PKHD1: variants seen among roughly 807,000 people sequenced by gnomAD.
The protein encoded by PKHD1 is fibrocystin.
In PKHD1, 291 loss-of-function variants were observed where a neutral mutation model predicts 412.0. That is an observed-to-expected ratio of 0.71 (90% CI 0.64 to 0.78). PKHD1 has a LOEUF of 0.78. PKHD1 is among the 30% of genes least tolerant of loss of function. The pLI is 0.00. For synonymous variants in PKHD1, 1,777 were observed against 1,821.5 expected (o/e 0.98, Z 0.62); for missense variants, 4,825 against 4,950.7 (o/e 0.97, Z 0.76).
At chr6:51,678,225 T>C (rs1449871495) in intron 60 of PKHD1, among the ~76,000 whole-genome samples, 4 of 152,162 alleles carry the variant, frequency 2.6e-5, no homozygotes, top group Admixed American at 6.6e-5. Flanking sequence ...ACAAGTTACT[T>C]ATCCTCCCTC....
chr6:52,075,025 T>C (rs73435740), intron 6 of PKHD1, among the ~76,000 whole-genome samples: 5 of 152,252 alleles, frequency 3.3e-5, no homozygotes, highest in Admixed American at 2.6e-4. Context: ...TCCCTCACCC[T>C]AACAAGACTT....
intron 50 of PKHD1, among the ~76,000 whole-genome samples, chr6:51,843,790 C>CA (rs1478207120): frequency 1.3e-5 from 2 of 152,232 alleles, no homozygotes; most frequent in African/African-American, 2.4e-5. Flanking sequence ...TGGTCTGTTT[C>CA]ATAAGTAGCT....
At position 51,627,079 on chromosome 6, in the gene PKHD1, A is replaced by T. The variant is rs538091484; in HGVS notation, c.11703T>A (p.Asn3901Lys). The change falls in exon 66 of 67, where the codon AAT (asparagine) becomes AAA (lysine). Residue 3901 changes from asparagine to lysine, a missense_variant. By Grantham distance (94) the Asn-to-Lys change is moderately conservative. Transcript: ENST00000371117. Reference sequence around the variant, plus strand: ...AGATGTGGATATGAATATTTTGATTATTAGTCTGGGATTCAGGAATCTCTT... The same window carrying T: ...AGATGTGGATATGAATATTTTGATTTTTAGTCTGGGATTCAGGAATCTCTT... ...KPEEIPESQTNNQNIHIHISS... is the reference protein window; with the variant it reads ...KPEEIPESQTKNQNIHIHISS... 21 of 1,610,460 alleles carry T rather than the reference A, an allele frequency of 1.3e-5. No homozygotes were observed. The highest frequency in any genetic ancestry group is 1.6e-5 in the Non-Finnish European group (19 of 1,176,796).
At chr6:51,953,087 A>G (rs1260124228) in intron 36 of PKHD1, among the ~76,000 whole-genome samples, 1 of 152,112 alleles carries the variant, frequency 6.6e-6, no homozygotes, top group African/African-American at 2.4e-5. Context: ...CCAAACTGCA[A>G]TGAATCAACC....
At chr6:51,898,566 A>C (rs1326208340) in intron 43 of PKHD1, among the ~76,000 whole-genome samples, 1 of 144,312 alleles carries the variant, frequency 6.9e-6, no homozygotes, top group African/African-American at 2.6e-5. Context: ...AAAGCAGGAA[A>C]GATCCAAAAT....
At chr6:51,642,438 G>A (rs754898776) in intron 63 of PKHD1, among the ~76,000 whole-genome samples, 4 of 152,182 alleles carry the variant, frequency 2.6e-5, no homozygotes. Flanking sequence ...AGTATGGAGT[G>A]TGAATAAGGC....
chr6:51,979,762 C>T (rs1006515250), intron 35 of PKHD1, among the ~76,000 whole-genome samples: 1 of 152,200 alleles, frequency 6.6e-6, no homozygotes, highest in East Asian at 1.9e-4. Context: ...CCCCATAATT[C>T]TGCTGGATCA....
intron 65 of PKHD1, among the ~76,000 whole-genome samples, chr6:51,632,216 T>G (rs1001809297): frequency 3.9e-5 from 6 of 152,120 alleles, no homozygotes; most frequent in African/African-American, 1.4e-4. Flanking sequence ...AGTGCTGGTT[T>G]CCCCTGATTC....
chr6:51,880,623 G>A (rs1777098855), intron 46 of PKHD1, among the ~76,000 whole-genome samples: 1 of 23,244 alleles, frequency 4.3e-5, no homozygotes, highest in African/African-American at 2.3e-4. Context: ...TGGTGGGGTC[G>A]GGGGAGGGGG....
chr6:51,804,364 G>T lies in PKHD1; in HGVS notation c.8303-12991C>A, dbSNP rs1177405350. Reference sequence around the variant, plus strand: ...GTAGAGAAATACTAATTCATTGGGGGGGGGGGGGGCGGTAACAGGAGAAAT... The same window carrying T: ...GTAGAGAAATACTAATTCATTGGGGTGGGGGGGGGCGGTAACAGGAGAAAT... On this transcript the variant is annotated intron_variant, in intron 52 of 66. Coordinates refer to ENST00000371117, the MANE Select transcript of PKHD1 (RefSeq NM_138694.4). 5.8e-5 allele frequency among the ~76,000 whole-genome samples: 6 copies of T among 103,244 alleles called. 1 individual carries two copies. Among genetic ancestry groups the T allele is most frequent in the African/African-American group, 1.1e-4 (3 of 28,154 alleles). The allele number at this position is 103,244 out of a possible 152,430, so 67.7% of individuals were successfully genotyped here. A position where few individuals can be genotyped will look rare whatever the true frequency, so the allele number is the denominator to read the frequency against.
intron 36 of PKHD1, among the ~76,000 whole-genome samples, chr6:51,936,277 TCTTACA>T (rs542469047): frequency 4.1e-4 from 62 of 152,320 alleles, no homozygotes; most frequent in African/African-American, 1.4e-3. Context: ...AGGATGTTGT[TCTTACA>T]CTTAATTTAT....
intron 63 of PKHD1, among the ~76,000 whole-genome samples, chr6:51,642,415 A>G (rs779565132): frequency 6.6e-6 from 1 of 152,210 alleles, no homozygotes; most frequent in Non-Finnish European, 1.5e-5. Flanking sequence ...AGTAAGGTAC[A>G]GACTATGGGT....
At chr6:51,979,125 C>T (rs909717356) in intron 35 of PKHD1, among the ~76,000 whole-genome samples, 1 of 152,174 alleles carries the variant, frequency 6.6e-6, no homozygotes, top group African/African-American at 2.4e-5. Flanking sequence ...CTCATAAATG[C>T]CTCTTCATTC....
intron 43 of PKHD1, among the ~76,000 whole-genome samples, chr6:51,896,392 C>T (rs1780007215): frequency 2.0e-5 from 3 of 152,066 alleles, no homozygotes; most frequent in Admixed American, 2.0e-4. Context: ...AGGCACCCCC[C>T]AACAGGGGCA....
intron 57 of PKHD1, among the ~76,000 whole-genome samples, chr6:51,750,354 C>T (rs1785898422): frequency 6.6e-6 from 1 of 152,140 alleles, no homozygotes; most frequent in Non-Finnish European, 1.5e-5. Context: ...AGAACTTTGG[C>T]ACAAAGAACA....
intron 61 of PKHD1, among the ~76,000 whole-genome samples, chr6:51,651,510 G>A (rs1488159203): frequency 6.6e-6 from 1 of 152,052 alleles, no homozygotes; most frequent in Non-Finnish European, 1.5e-5. Flanking sequence ...ACACGCAATA[G>A]GGAAAACTGT....
intron 39 of PKHD1, among the ~76,000 whole-genome samples, chr6:51,910,881 C>T (rs1400255482): frequency 6.6e-6 from 1 of 152,090 alleles, no homozygotes; most frequent in Non-Finnish European, 1.5e-5. Flanking sequence ...CCACACCCAA[C>T]CACATGGCAA....
chr6:51,991,688 T>C (rs181360364), intron 35 of PKHD1, among the ~76,000 whole-genome samples: 2 of 152,334 alleles, frequency 1.3e-5, no homozygotes, highest in East Asian at 1.9e-4. Context: ...CAGTAAAGAA[T>C]AGGGTCAATA....
At chr6:51,655,074 G>C (rs551806610) in intron 61 of PKHD1, among the ~76,000 whole-genome samples, 1 of 152,202 alleles carries the variant, frequency 6.6e-6, no homozygotes, top group South Asian at 2.1e-4. Flanking sequence ...AAACAAAGTA[G>C]TGAATTTGTA....
Sources: gnomAD v4.1 joint callset for allele counts (sites outside exome capture counted in the v4.1 genomes callset) on GRCh38, gnomAD v4.1.1 for gene constraint, MANE v1.5 for transcripts, NCBI Gene and HGNC (gene_info 2026-07-23, HGNC 2026-07-21) for gene names.